The following EPB41L3 variants were observed in gnomAD, a reference collection of about 807,000 sequenced individuals.
EPB41L3 encodes the protein erythrocyte membrane protein band 4.1 like 3.
Under a neutral mutation model 127.1 loss-of-function variants are expected in EPB41L3, and 57 were observed. The observed-to-expected ratio is 0.45, with a 90% CI of 0.36 to 0.56. The LOEUF is 0.56. EPB41L3 is among the 20% of genes least tolerant of loss of function. The pLI is 0.00. For missense variants in EPB41L3, 1,273 were observed against 1,372.2 expected, an observed-to-expected ratio of 0.93 and a Z score of 1.14; for synonymous variants, 572 against 549.5, an observed-to-expected ratio of 1.04 and a Z score of -0.57.
At chr18:5,622,072 A>T (rs11874896) in intron 1 of EPB41L3, among the ~76,000 whole-genome samples, 29,691 of 151,990 alleles carry the variant, frequency 0.2, 2,925 homozygotes, top group African/African-American at 0.21. Context: ...TTTTTTTTAA[A>T]CATGAAAAAG....
At chr18:5,563,912 A>G (rs1395106062) in intron 3 of EPB41L3, among the ~76,000 whole-genome samples, 1 of 152,176 alleles carries the variant, frequency 6.6e-6, no homozygotes, top group East Asian at 1.9e-4. Flanking sequence ...AGAAGTTAAG[A>G]CTCATCCCAA....
intron 3 of EPB41L3, among the ~76,000 whole-genome samples, chr18:5,469,715 G>A (rs1024807182): frequency 5.9e-5 from 9 of 152,066 alleles, no homozygotes; most frequent in Admixed American, 2.0e-4. Context: ...TAAAACACAA[G>A]TCCACGCTGG....
intron 3 of EPB41L3, among the ~76,000 whole-genome samples, chr18:5,573,951 C>A (rs183961664): frequency 6.7e-6 from 1 of 150,028 alleles, no homozygotes; most frequent in Non-Finnish European, 1.5e-5. Context: ...GGCTCTGTTG[C>A]CCAGGCTGGA....
intron 6 of EPB41L3, among the ~76,000 whole-genome samples, chr18:5,435,389 A>T (rs1009442286): frequency 1.3e-5 from 2 of 152,206 alleles, no homozygotes; most frequent in Non-Finnish European, 2.9e-5. Flanking sequence ...TGCACGCGCC[A>T]TTCATGGTAA....
chr18:5,453,889 T>C (rs1422876390), intron 3 of EPB41L3, among the ~76,000 whole-genome samples: 3 of 152,222 alleles, frequency 2.0e-5, no homozygotes, highest in Admixed American at 2.0e-4. Flanking sequence ...TCTAACAAAA[T>C]GTCATCTTTT....
At chr18:5,607,046 T>A (rs917300161) in intron 3 of EPB41L3, among the ~76,000 whole-genome samples, 1 of 152,184 alleles carries the variant, frequency 6.6e-6, no homozygotes, top group Non-Finnish European at 1.5e-5. Context: ...GAAAAATAAT[T>A]TTTAAACTGT....
At chr18:5,453,086 G>C (rs1251588063) in intron 3 of EPB41L3, among the ~76,000 whole-genome samples, 1 of 152,124 alleles carries the variant, frequency 6.6e-6, no homozygotes, top group East Asian at 1.9e-4. Flanking sequence ...TCATCTCTTA[G>C]TCTGTGCCCA....
chr18:5,454,724 A>G (rs1725737381), intron 3 of EPB41L3, among the ~76,000 whole-genome samples: 1 of 152,244 alleles, frequency 6.6e-6, no homozygotes, highest in Admixed American at 6.5e-5. Flanking sequence ...ATTCTCATTT[A>G]ATCAAGTTAG....
intron 2 of EPB41L3, among the ~76,000 whole-genome samples, chr18:5,488,224 T>C (rs923258013): frequency 2.0e-5 from 3 of 152,056 alleles, no homozygotes; most frequent in Non-Finnish European, 2.9e-5. Context: ...TAAGAAACCA[T>C]GGAATACTAT....
At chr18:5,536,641 TA>T (rs1285617110) in intron 1 of EPB41L3, among the ~76,000 whole-genome samples, 18 of 145,156 alleles carry the variant, frequency 1.2e-4, no homozygotes, top group Non-Finnish European at 1.6e-4. Context: ...CCATGTCTAC[TA>T]AAAATTCAAA....
intron 3 of EPB41L3, among the ~76,000 whole-genome samples, chr18:5,597,057 C>A (rs555095040): frequency 6.6e-6 from 1 of 152,184 alleles, no homozygotes; most frequent in South Asian, 2.1e-4. Flanking sequence ...ACCCCCATCT[C>A]TGAAAAGAAG....
intron 6 of EPB41L3, among the ~76,000 whole-genome samples, chr18:5,434,921 A>G (rs2079541563): frequency 6.6e-6 from 1 of 152,200 alleles, no homozygotes; most frequent in South Asian, 2.1e-4. Flanking sequence ...TGACAGCTTC[A>G]TGTGTGTTAC....
chr18:5,471,851 G>A (rs1723833135), intron 3 of EPB41L3, among the ~76,000 whole-genome samples: 1 of 152,148 alleles, frequency 6.6e-6, no homozygotes, highest in African/African-American at 2.4e-5. Flanking sequence ...AATGAATCCT[G>A]TTAGGCCTTC....
At chr18:5,399,085 AG>A (rs2074071828) in intron 16 of EPB41L3, 1 of 399,106 alleles carries the variant, frequency 2.5e-6, no homozygotes, top group Non-Finnish European at 4.4e-6. Flanking sequence ...TCTGTAGTGG[AG>A]GGCTGCTCCA....
intron 1 of EPB41L3, among the ~76,000 whole-genome samples, chr18:5,533,132 T>TG (rs1401127924): frequency 6.6e-6 from 1 of 152,026 alleles, no homozygotes; most frequent in Non-Finnish European, 1.5e-5. Context: ...TGATGACAAC[T>TG]GGGGGAGGTT....
intron 3 of EPB41L3, among the ~76,000 whole-genome samples, chr18:5,562,984 A>G (rs1376128305): frequency 6.6e-6 from 1 of 152,258 alleles, no homozygotes; most frequent in Non-Finnish European, 1.5e-5. Context: ...CAACTGCTAC[A>G]TGAACCAATC....
intron 2 of EPB41L3, among the ~76,000 whole-genome samples, chr18:5,481,505 C>T: frequency 6.6e-6 from 1 of 152,196 alleles, no homozygotes; most frequent in East Asian, 1.9e-4. Flanking sequence ...AACCAGCTTT[C>T]CCACCTTCCT....
intron 3 of EPB41L3, among the ~76,000 whole-genome samples, chr18:5,565,369 G>A (rs1384624646): frequency 6.6e-6 from 1 of 152,080 alleles, no homozygotes; most frequent in Non-Finnish European, 1.5e-5. Flanking sequence ...CCAAGATCGT[G>A]CCATTGCACT....
In EPB41L3 at chr18:5,420,071, C is replaced by T. The variant is rs2077284252; in HGVS notation, c.1340-194G>A. 3 of 1,153,752 alleles carry T rather than the reference C, an allele frequency of 2.6e-6. No individual in the cohort carries two copies. In the East Asian group the frequency reaches 7.7e-5, roughly 30 times the overall value. 71.5% of individuals were successfully genotyped at this position (1,153,752 alleles called of 1,614,324 possible). A position where few individuals can be genotyped will look rare whatever the true frequency, so the allele number is the denominator to read the frequency against. The stretch of plus-strand genomic sequence containing the variant: ...TTTGCCTTGAAAAAACAAATCAGTG[C>T]TGCAGGGACCTTCATGAGAGCATGA... On this transcript the variant is annotated intron_variant, in intron 11 of 22. Coordinates refer to ENST00000341928, the MANE Select transcript of EPB41L3 (RefSeq NM_012307.5).
Sources: gnomAD v4.1 joint callset for allele counts (sites outside exome capture counted in the v4.1 genomes callset) on GRCh38, gnomAD v4.1.1 for gene constraint, MANE v1.5 for transcripts, NCBI Gene and HGNC (gene_info 2026-07-23, HGNC 2026-07-21) for gene names.